The following CSMD3 variants were observed in gnomAD, a reference collection of about 807,000 sequenced individuals.
The protein encoded by CSMD3 is CUB and sushi domain-containing protein 3.
In CSMD3, 177 loss-of-function variants were observed where a neutral mutation model predicts 435.2. The ratio of observed to expected loss-of-function variants is 0.41; its 90% confidence interval spans 0.36 to 0.46. CSMD3 has a LOEUF of 0.46. Among genes scored for constraint, CSMD3 ranks in the 20% least tolerant of loss-of-function variants. The pLI is 0.34. For synonymous variants in CSMD3, 1,656 were observed against 1,520.5 expected, an observed-to-expected ratio of 1.09 and a Z score of -2.07; for missense variants, 4,265 against 4,504.6, an observed-to-expected ratio of 0.95 and a Z score of 1.52.
At chr8:112,738,215 T>A (rs2077227916) in intron 13 of CSMD3, among the ~76,000 whole-genome samples, 1 of 151,764 alleles carries the variant, frequency 6.6e-6, no homozygotes, top group South Asian at 2.1e-4. Flanking sequence ...AAGAAATTTT[T>A]AAATGCCTAA....
At chr8:112,319,874 T>C (rs753846731) in intron 46 of CSMD3, 27 bp downstream of exon 46, 7 of 1,511,770 alleles carry the variant, frequency 4.6e-6, no homozygotes, top group South Asian at 2.2e-5. Flanking sequence ...CAGTATGTTT[T>C]CCTTGAAAAT....
At chr8:113,340,586 G>T (rs1156789710) in intron 1 of CSMD3, among the ~76,000 whole-genome samples, 1 of 151,944 alleles carries the variant, frequency 6.6e-6, no homozygotes, top group Non-Finnish European at 1.5e-5. Flanking sequence ...TGATGAAAGG[G>T]TTTGTTTGCC....
intron 35 of CSMD3, among the ~76,000 whole-genome samples, chr8:112,394,910 T>C (rs1830738500): frequency 6.6e-6 from 1 of 152,224 alleles, no homozygotes; most frequent in Non-Finnish European, 1.5e-5. Context: ...CAATAAATTA[T>C]TGCTGAATAA....
intron 13 of CSMD3, among the ~76,000 whole-genome samples, chr8:112,752,952 G>T (rs1233865912): frequency 2.0e-5 from 3 of 149,768 alleles, no homozygotes; most frequent in Non-Finnish European, 4.5e-5. Flanking sequence ...CAGAGATAGG[G>T]TCTCCCTCTG....
intron 56 of CSMD3, 94 bp from the exon 57 acceptor site, chr8:112,289,632 T>C: frequency 1.2e-6 from 1 of 839,146 alleles, no homozygotes. Context: ...GAAGTAAATG[T>C]TCTGCTGAAA....
At chr8:113,107,706 G>C (rs117781733) in intron 4 of CSMD3, among the ~76,000 whole-genome samples, 2,876 of 152,250 alleles carry the variant, frequency 0.019, 31 homozygotes, top group Middle Eastern at 0.041. Flanking sequence ...TTGTTCATGG[G>C]TCAAGTTTCT....
intron 13 of CSMD3, among the ~76,000 whole-genome samples, chr8:112,690,457 C>G (rs1457484541): frequency 6.6e-6 from 1 of 151,882 alleles, no homozygotes. Context: ...TACGGTAAAT[C>G]CCTGAATCAT....
At chr8:112,309,127 A>T (rs964062276) in intron 50 of CSMD3, among the ~76,000 whole-genome samples, 2 of 152,056 alleles carry the variant, frequency 1.3e-5, no homozygotes, top group Non-Finnish European at 2.9e-5. Flanking sequence ...ATTTGAATTT[A>T]AAACAATTTT....
At chr8:112,470,264 T>G (rs1468390479) in intron 32 of CSMD3, among the ~76,000 whole-genome samples, 1 of 152,202 alleles carries the variant, frequency 6.6e-6, no homozygotes, top group Non-Finnish European at 1.5e-5. Context: ...AAGACCTTAG[T>G]TCAATCCAAT....
chr8:112,341,456 A>G, intron 42 of CSMD3, 21 bp downstream of exon 42: 2 of 1,498,412 alleles, frequency 1.3e-6, no homozygotes, highest in Non-Finnish European at 1.9e-6. Context: ...ATAAATTTTC[A>G]TTTTTTATTA....
At chr8:112,277,977 C>T (rs1818243369) in intron 59 of CSMD3, among the ~76,000 whole-genome samples, 1 of 152,188 alleles carries the variant, frequency 6.6e-6, no homozygotes, top group African/African-American at 2.4e-5. Flanking sequence ...GGGACACAGC[C>T]AACCCATATC....
At chr8:113,103,517 T>A (rs990819745) in intron 4 of CSMD3, among the ~76,000 whole-genome samples, 5 of 152,148 alleles carry the variant, frequency 3.3e-5, no homozygotes, top group Admixed American at 1.3e-4. Flanking sequence ...ATTTTAAGAA[T>A]GAGGACTAAA....
At chr8:112,986,992 G>T (rs986601696) in intron 6 of CSMD3, among the ~76,000 whole-genome samples, 1 of 151,986 alleles carries the variant, frequency 6.6e-6, no homozygotes, top group African/African-American at 2.4e-5. Flanking sequence ...CTATATATCT[G>T]TGTGTATATA....
intron 10 of CSMD3, among the ~76,000 whole-genome samples, chr8:112,878,617 G>A (rs562955858): frequency 2.7e-4 from 41 of 152,234 alleles, no homozygotes; most frequent in African/African-American, 7.0e-4. Flanking sequence ...ATGTGCACAT[G>A]TATGTTTATT....
intron 6 of CSMD3, among the ~76,000 whole-genome samples, chr8:112,983,118 T>C (rs1046803662): frequency 2.0e-4 from 31 of 152,106 alleles, no homozygotes; most frequent in South Asian, 4.1e-4. Context: ...AGTATTTGTT[T>C]ATTTTGAAAG....
chr8:113,277,493 T>G (rs1339805392), intron 3 of CSMD3, among the ~76,000 whole-genome samples: 1 of 152,020 alleles, frequency 6.6e-6, no homozygotes, highest in Admixed American at 6.6e-5. Context: ...GTACTAGAAT[T>G]AGTGTTTAGT....
rs1170195159 is a variant in CSMD3, at chr8:112,556,925, C to A, written c.4072G>T (p.Gly1358Cys). 4.3e-6 allele frequency: 7 copies of A among 1,612,026 alleles called. 1 individual carries two copies. Among genetic ancestry groups the A allele is most frequent in the Middle Eastern group, 3.3e-4 (2 of 6,052 alleles). The change falls in exon 25 of 71, where the codon GGC becomes TGC. Residue 1358 changes from glycine to cysteine, a missense_variant. This residue lies in a region of CSMD3 where 3,255 missense variants were observed against 3,380.2 expected (regional missense o/e 0.96). Coordinates refer to ENST00000297405, the MANE Select transcript of CSMD3 (RefSeq NM_198123.2). ...ATCTTGTATCCAAATTGTGGAATGC[C>A]AGGATCTTCACAGTGTGAGAGTTCA... ...SFELSHCEDP[G>C]IPQFGYKISD...
At chr8:113,289,720 T>C (rs1384639195) in intron 2 of CSMD3, among the ~76,000 whole-genome samples, 1 of 151,814 alleles carries the variant, frequency 6.6e-6, no homozygotes, top group East Asian at 1.9e-4. Context: ...CACTTTATCA[T>C]GTTAATTTTA....
At chr8:112,489,166 C>T (rs186461097) in intron 31 of CSMD3, among the ~76,000 whole-genome samples, 8 of 152,112 alleles carry the variant, frequency 5.3e-5, no homozygotes, top group Non-Finnish European at 8.8e-5. Flanking sequence ...GCCTGTAATC[C>T]CAGCATTGTG....
Sources: allele counts gnomAD v4.1 joint callset (sites outside exome capture counted in the v4.1 genomes callset), GRCh38; gene constraint gnomAD v4.1.1; regional missense constraint gnomAD v4.1.1; transcripts MANE v1.5; gene names NCBI Gene and HGNC (gene_info 2026-07-23, HGNC 2026-07-21).